The following FOXP2 variants were observed in gnomAD, a reference collection of about 807,000 sequenced individuals.
FOXP2 encodes the protein forkhead box protein P2.
A neutral mutation model predicts 115.8 loss-of-function variants in FOXP2; 12 were observed. The observed-to-expected ratio is 0.10, with a 90% confidence interval of 0.07 to 0.17. The LOEUF (loss-of-function observed/expected upper bound fraction) is 0.17. FOXP2 is among the 10% of genes least tolerant of loss of function. The pLI, the probability that FOXP2 is intolerant of heterozygous loss-of-function variation, is 1.00. For missense variants in FOXP2, 629 were observed against 843.5 expected, an observed-to-expected ratio of 0.75 and a Z score of 3.15; for synonymous variants, 328 against 297.7, an observed-to-expected ratio of 1.10 and a Z score of -1.05.
Position 114,644,751 on chromosome 7 carries a change from C to T in FOXP2, c.1056C>T (p.Gly352=). The T allele has an allele frequency of 6.2e-7, 1 of 1,613,576 alleles. No individual in the cohort carries two copies. The highest frequency in any genetic ancestry group is 8.5e-7 in the Non-Finnish European group (1 of 1,179,872). ...LYGHGVCKWP[G]CESICEDFGQ... ...GCCATGGAGTTTGCAAATGGCCAGGCTGTGAAAGCATTTGTGAAGATTTTG... is the reference window on the plus strand; with the variant it reads ...GCCATGGAGTTTGCAAATGGCCAGGTTGTGAAAGCATTTGTGAAGATTTTG... Residue 352 remains glycine, a synonymous_variant, in exon 8 of 17, where the codon GGC becomes GGT. Coordinates refer to ENST00000350908, the MANE Select transcript of FOXP2 (RefSeq NM_014491.4).
chr7:114,464,439 G>T (rs750351204), intron 2 of FOXP2, among the ~76,000 whole-genome samples: 6 of 152,012 alleles, frequency 3.9e-5, no homozygotes, highest in Non-Finnish European at 7.4e-5. Flanking sequence ...AAGGAAAAAA[G>T]AAAAAAACGT....
intron 1 of FOXP2, among the ~76,000 whole-genome samples, chr7:114,220,024 G>A (rs1794583541): frequency 6.8e-6 from 1 of 147,616 alleles, no homozygotes; most frequent in Non-Finnish European, 1.5e-5. Flanking sequence ...GCACCACCAT[G>A]CTCAGCTAAT....
At chr7:114,483,907 A>G (rs1325204071) in intron 2 of FOXP2, among the ~76,000 whole-genome samples, 2 of 151,776 alleles carry the variant, frequency 1.3e-5, no homozygotes, top group African/African-American at 4.8e-5. Context: ...CCTTATTATA[A>G]TTAAATTTGA....
chr7:114,500,170 C>G (rs1204730088), intron 2 of FOXP2, among the ~76,000 whole-genome samples: 1 of 144,708 alleles, frequency 6.9e-6, no homozygotes, highest in Admixed American at 7.1e-5. Context: ...GAGCCGAGAT[C>G]ACGCAACTGC....
At chr7:114,258,860 G>A (rs1795681183) in intron 1 of FOXP2, among the ~76,000 whole-genome samples, 2 of 152,152 alleles carry the variant, frequency 1.3e-5, no homozygotes, top group Admixed American at 6.5e-5. Flanking sequence ...AGGCTGTGAT[G>A]AAGTTTAAGG....
At chr7:114,135,682 A>G (rs1792018994) in intron 1 of FOXP2, among the ~76,000 whole-genome samples, 1 of 152,176 alleles carries the variant, frequency 6.6e-6, no homozygotes, top group South Asian at 2.1e-4. Flanking sequence ...TGACCCAAGT[A>G]GTGTTATGCA....
intron 2 of FOXP2, among the ~76,000 whole-genome samples, chr7:114,333,216 C>A (rs1797754859): frequency 6.6e-6 from 1 of 152,124 alleles, no homozygotes; most frequent in Non-Finnish European, 1.5e-5. Context: ...CCAAAGCCCT[C>A]CCTTTCCCTG....
chr7:114,292,881 C>T (rs767198165), intron 2 of FOXP2, among the ~76,000 whole-genome samples: 4 of 152,198 alleles, frequency 2.6e-5, no homozygotes, highest in Non-Finnish European at 5.9e-5. Flanking sequence ...AGTGGTCTAA[C>T]AGCCAGTATT....
chr7:114,267,800 A>T (rs1795932724), intron 1 of FOXP2, among the ~76,000 whole-genome samples: 1 of 150,054 alleles, frequency 6.7e-6, no homozygotes, highest in African/African-American at 2.4e-5. Context: ...ATATATGTAT[A>T]TATAAAACAT....
intron 1 of FOXP2, among the ~76,000 whole-genome samples, chr7:114,199,534 G>A (rs1007435912): frequency 2.6e-5 from 4 of 152,200 alleles, no homozygotes; most frequent in African/African-American, 4.8e-5. Flanking sequence ...AGAAGTGCAT[G>A]TAGAGCACAC....
chr7:114,296,708 A>G (rs1796749204), intron 2 of FOXP2, among the ~76,000 whole-genome samples: 1 of 152,194 alleles, frequency 6.6e-6, no homozygotes, highest in Non-Finnish European at 1.5e-5. Context: ...GAGCCCTTGC[A>G]TGAAGATATT....
At chr7:114,490,059 A>AT (rs1283517822) in intron 2 of FOXP2, among the ~76,000 whole-genome samples, 1 of 152,168 alleles carries the variant, frequency 6.6e-6, no homozygotes, top group Non-Finnish European at 1.5e-5. Flanking sequence ...ATGATCAGCA[A>AT]TTGTGCTCTT....
At chr7:114,480,833 T>A (rs543722439) in intron 2 of FOXP2, among the ~76,000 whole-genome samples, 1 of 150,766 alleles carries the variant, frequency 6.6e-6, no homozygotes, top group South Asian at 2.1e-4. Context: ...GACCCAACAG[T>A]GGGAAATTGC....
In FOXP2 at chr7:114,691,943, GA is replaced by G. The variant is rs750710459; in HGVS notation, c.*2030del. The G allele has an allele frequency of 0.32, 114,190 of 354,378 alleles. 8,345 individuals are homozygous for G. Among genetic ancestry groups the G allele is most frequent in the Non-Finnish European group, 0.39 (73,824 of 191,248 alleles). The allele number at this position is 354,378 out of a possible 1,614,324, so 22.0% of individuals were successfully genotyped here. ...TTCTACCTCTGCAAAAAAAAAAAAA[GA>G]AAAAAAAAAAAAGAAAAACATTAGA... On this transcript the variant is annotated 3_prime_UTR_variant, in exon 17 of 17. Transcript: ENST00000350908.
At chr7:114,459,790 A>G (rs970466176) in intron 2 of FOXP2, among the ~76,000 whole-genome samples, 11 of 151,976 alleles carry the variant, frequency 7.2e-5, no homozygotes, top group Non-Finnish European at 1.5e-4. Context: ...TACTTTTTGT[A>G]TTATTAGGAG....
intron 2 of FOXP2, among the ~76,000 whole-genome samples, chr7:114,337,074 A>G (rs551866886): frequency 2.0e-5 from 3 of 151,638 alleles, no homozygotes; most frequent in African/African-American, 7.2e-5. Context: ...CTGCTCCTCT[A>G]CATTTGATAT....
chr7:114,589,331 G>C (rs999118881), intron 3 of FOXP2, among the ~76,000 whole-genome samples: 2 of 151,596 alleles, frequency 1.3e-5, no homozygotes, highest in African/African-American at 4.9e-5. Context: ...TAAATATTCT[G>C]CATGATTGTT....
intron 1 of FOXP2, among the ~76,000 whole-genome samples, chr7:114,170,707 G>A (rs1793114910): frequency 6.6e-6 from 1 of 152,170 alleles, no homozygotes; most frequent in Non-Finnish European, 1.5e-5. Flanking sequence ...AAAGAGCATG[G>A]CCCTAACTCT....
chr7:114,127,263 C>T (rs1309600227), intron 1 of FOXP2, among the ~76,000 whole-genome samples: 1 of 152,186 alleles, frequency 6.6e-6, no homozygotes, highest in African/African-American at 2.4e-5. Context: ...GGGAGCTACA[C>T]TCTTATGTAA....
Sources: gnomAD v4.1 joint callset for allele counts (sites outside exome capture counted in the v4.1 genomes callset) on GRCh38, gnomAD v4.1.1 for gene constraint, MANE v1.5 for transcripts, NCBI Gene and HGNC (gene_info 2026-07-23, HGNC 2026-07-21) for gene names.